Variants in KCNMB4 observed in about 807,000 individuals in gnomAD.
KCNMB4 encodes the protein calcium-activated potassium channel subunit beta-4.
A neutral mutation model predicts 20.7 loss-of-function variants in KCNMB4; 3 were observed. The observed-to-expected ratio is 0.14, with a 90% CI of 0.07 to 0.37. The LOEUF (loss-of-function observed/expected upper bound fraction) is 0.37, where lower values mean the gene tolerates loss of function less well. Among genes scored for constraint, KCNMB4 ranks in the 10% least tolerant of loss-of-function variants. The pLI, the probability that KCNMB4 is intolerant of heterozygous loss-of-function variation, is 1.00. For missense variants in KCNMB4, 168 were observed against 265.9 expected, an observed-to-expected ratio of 0.63 and a Z score of 2.56; for synonymous variants, 110 against 113.4, an observed-to-expected ratio of 0.97 and a Z score of 0.19.
At chr12:70,428,720 A>G (rs911311151) in intron 2 of KCNMB4, among the ~76,000 whole-genome samples, 7 of 152,224 alleles carry the variant, frequency 4.6e-5, no homozygotes, top group Non-Finnish European at 7.3e-5. Context: ...AGCAACATCT[A>G]TTTGTAGAAT....
Position 70,367,129 on chromosome 12 carries a change from G to A in KCNMB4, c.336+59G>A. On this transcript the variant is annotated intron_variant, in intron 1 of 2. Transcript: ENST00000258111. ...CGAGGGAGGTTTGGAGGCAGCGTCG[G>A]TGTTAGACTCCGCGCGGGGAGGGTT... 2.9e-6 allele frequency: 4 copies of A among 1,358,672 alleles called. No individual in the cohort carries two copies. In the South Asian group the frequency reaches 6.1e-5, roughly 21 times the overall value. The allele number at this position is 1,358,672 out of a possible 1,614,324, so 84.2% of individuals were successfully genotyped here.
chr12:70,382,388 G>A (rs1313416279), intron 1 of KCNMB4, among the ~76,000 whole-genome samples: 10 of 137,604 alleles, frequency 7.3e-5, no homozygotes, highest in Admixed American at 2.3e-4. Flanking sequence ...AGCGGAGATC[G>A]CGCCACAGCA....
chr12:70,422,785 T>A, intron 2 of KCNMB4: 1 of 1,270,226 alleles, frequency 7.9e-7, no homozygotes, highest in Non-Finnish European at 1.0e-6. Context: ...AGGCCCCCGA[T>A]CTCAGGGTTT....
intron 2 of KCNMB4, chr12:70,422,580 GA>G: frequency 1.7e-6 from 1 of 580,452 alleles, no homozygotes; most frequent in Non-Finnish European, 2.7e-6. Flanking sequence ...ATTTTCAATG[GA>G]AGAGCAACAA....
chr12:70,377,166 G>A (rs919496785), intron 1 of KCNMB4, among the ~76,000 whole-genome samples: 56 of 152,054 alleles, frequency 3.7e-4, no homozygotes, highest in African/African-American at 1.3e-3. Flanking sequence ...ATAAATTGAC[G>A]AGCTGATTCT....
intron 1 of KCNMB4, among the ~76,000 whole-genome samples, chr12:70,376,988 C>T (rs1258741935): frequency 6.6e-6 from 1 of 151,874 alleles, no homozygotes; most frequent in Non-Finnish European, 1.5e-5. Context: ...GACTACAAAG[C>T]ACTGCTGAGA....
chr12:70,376,769 G>T (rs926648559), intron 1 of KCNMB4, among the ~76,000 whole-genome samples: 9 of 151,540 alleles, frequency 5.9e-5, no homozygotes, highest in African/African-American at 1.9e-4. Flanking sequence ...CAACTTGGGA[G>T]GCTGAAGTGG....
At chr12:70,387,752 A>C (rs1337229976) in intron 1 of KCNMB4, among the ~76,000 whole-genome samples, 1 of 152,086 alleles carries the variant, frequency 6.6e-6, no homozygotes, top group East Asian at 1.9e-4. Context: ...CAGGCATGCA[A>C]AGTGACATAA....
intron 2 of KCNMB4, among the ~76,000 whole-genome samples, chr12:70,403,743 A>G (rs1485526018): frequency 6.6e-6 from 1 of 152,240 alleles, no homozygotes; most frequent in East Asian, 1.9e-4. Flanking sequence ...CTATAACCAG[A>G]AACTACAGTC....
Position 70,431,902 on chromosome 12 carries a change from C to T in KCNMB4, c.*1249C>T, listed in dbSNP as rs1159263903. The T allele has an allele frequency of 6.6e-6, 1 of 152,042 alleles. No homozygotes were observed. The highest frequency in any genetic ancestry group is 6.6e-5 in the Admixed American group (1 of 15,262). 9.4% of individuals were successfully genotyped at this position (152,042 alleles called of 1,614,324 possible). A position where few individuals can be genotyped will look rare whatever the true frequency, so the allele number is the denominator to read the frequency against. On this transcript the variant is annotated 3_prime_UTR_variant, in exon 3 of 3. Coordinates refer to ENST00000258111, the MANE Select transcript of KCNMB4 (RefSeq NM_014505.6). ...CTTCTGATACTCTTCAGACATGCCT[C>T]TATTAGAATAAAGGTAAACTGGAAT... is the stretch of plus-strand genomic sequence containing the variant.
chr12:70,415,274 C>T (rs551007644), intron 2 of KCNMB4, among the ~76,000 whole-genome samples: 7 of 152,310 alleles, frequency 4.6e-5, no homozygotes, highest in South Asian at 2.1e-4. Context: ...TTCCAGAAGC[C>T]TCTTCTGTAA....
intron 1 of KCNMB4, among the ~76,000 whole-genome samples, chr12:70,393,999 C>A (rs1868327492): frequency 6.6e-6 from 1 of 152,136 alleles, no homozygotes; most frequent in African/African-American, 2.4e-5. Flanking sequence ...GTGAAGCCTT[C>A]TCTTATACTC....
intron 2 of KCNMB4, among the ~76,000 whole-genome samples, chr12:70,404,195 G>A (rs1164018016): frequency 6.6e-6 from 1 of 151,974 alleles, no homozygotes; most frequent in African/African-American, 2.4e-5. Flanking sequence ...GGTCATTAGT[G>A]TCAAACTAAA....
rs1302705892 is a variant in KCNMB4 at position 70,366,633 on chromosome 12, C to CGGCGGA, written c.-97_-96insAGGCGG. On this transcript the variant is annotated 5_prime_UTR_variant, in exon 1 of 3. Transcript: ENST00000258111. ...CCACTCCCCTGCTGTCGCGCGGCGG[C>CGGCGGA]GGCGGTGGCGGCGGCGGCTCCTCCC... The CGGCGGA allele has an allele frequency of 6.5e-5, 54 of 835,054 alleles. No homozygotes were observed. Among genetic ancestry groups the CGGCGGA allele is most frequent in the Non-Finnish European group, 2.6e-5 (17 of 641,722 alleles). 51.7% of individuals were successfully genotyped at this position (835,054 alleles called of 1,614,324 possible). A position where few individuals can be genotyped will look rare whatever the true frequency, so the allele number is the denominator to read the frequency against.
chr12:70,425,302 G>T (rs568455943), intron 2 of KCNMB4, among the ~76,000 whole-genome samples: 1 of 152,214 alleles, frequency 6.6e-6, no homozygotes, highest in Admixed American at 6.5e-5. Flanking sequence ...GCCAGGTGTG[G>T]TGGTGGGCGC....
chr12:70,415,881 C>T (rs908615534), intron 2 of KCNMB4, among the ~76,000 whole-genome samples: 1 of 152,180 alleles, frequency 6.6e-6, no homozygotes, highest in Non-Finnish European at 1.5e-5. Context: ...CTCCTGCCCT[C>T]GGATTTACAG....
chr12:70,433,920 A>C lies in KCNMB4; in HGVS notation c.*3267A>C, dbSNP rs1040425413. The C allele has an allele frequency of 1.3e-5, 2 of 152,262 alleles. No homozygotes were observed. Among genetic ancestry groups the C allele is most frequent in the African/African-American group, 2.4e-5 (1 of 41,468 alleles). 9.4% of individuals were successfully genotyped at this position (152,262 alleles called of 1,614,324 possible). ...CCCCTGCTTGCTGGTGCAGACTTTT[A>C]GACCTAGATTGCCTTAGAGACTGAA... is the stretch of plus-strand genomic sequence containing the variant. On this transcript the variant is annotated 3_prime_UTR_variant, in exon 3 of 3. Transcript: ENST00000258111.
At chr12:70,422,285 A>G (rs1436676315) in intron 2 of KCNMB4, among the ~76,000 whole-genome samples, 1 of 152,190 alleles carries the variant, frequency 6.6e-6, no homozygotes, top group Admixed American at 6.5e-5. Flanking sequence ...ACTCAGAGAA[A>G]CCACAGACCA....
At chr12:70,386,305 T>A (rs1385023892) in intron 1 of KCNMB4, among the ~76,000 whole-genome samples, 1 of 152,110 alleles carries the variant, frequency 6.6e-6, no homozygotes, top group African/African-American at 2.4e-5. Flanking sequence ...GTGGGTCTAA[T>A]TATATAAATT....
Sources: allele counts gnomAD v4.1 joint callset (sites outside exome capture counted in the v4.1 genomes callset), GRCh38; gene constraint gnomAD v4.1.1; transcripts MANE v1.5; gene names NCBI Gene and HGNC (gene_info 2026-07-23, HGNC 2026-07-21).